Variants in TENT2 observed in about 807,000 individuals in gnomAD.
TENT2 encodes the protein terminal nucleotidyltransferase 2.
TENT2 carries 44 observed loss-of-function variants against 72.2 expected under a neutral mutation model. That is an observed-to-expected ratio of 0.61 (90% confidence interval 0.48 to 0.78). The LOEUF (loss-of-function observed/expected upper bound fraction) is 0.78. Ranked by LOEUF, TENT2 falls within the 30% of genes least tolerant of loss-of-function variation. The pLI, the probability that TENT2 is intolerant of heterozygous loss-of-function variation, is 0.00. For missense variants in TENT2, 541 were observed against 569.6 expected, an observed-to-expected ratio of 0.95 and a Z score of 0.51; for synonymous variants, 212 against 192.5, an observed-to-expected ratio of 1.10 and a Z score of -0.84.
Position 79,623,501 on chromosome 5 carries a change from G to C in TENT2, c.465+12G>C, listed in dbSNP as rs565701692. The C allele has an allele frequency of 6.5e-7, 1 of 1,526,754 alleles. No homozygotes were observed. The highest frequency in any genetic ancestry group is 2.3e-5 in the East Asian group (1 of 43,754). 94.6% of individuals were successfully genotyped at this position (1,526,754 alleles called of 1,614,324 possible). A position where few individuals can be genotyped will look rare whatever the true frequency, so the allele number is the denominator to read the frequency against. On this transcript the variant is annotated intron_variant, in intron 4 of 14. Coordinates refer to ENST00000453514, the MANE Select transcript of TENT2 (RefSeq NM_001114394.3). ...AGGCCAAAGATAAGGTAATAATAAT[G>C]TAGATTTTAGTTTTGCCTTTTGGGA...
chr5:79,679,049 G>A (rs2150907176), intron 12 of TENT2, among the ~76,000 whole-genome samples: 1 of 152,264 alleles, frequency 6.6e-6, no homozygotes, highest in African/African-American at 2.4e-5. Context: ...GGGACTACAG[G>A]TGCACGCTAC....
Position 79,641,437 on chromosome 5 carries a change from G to GT in TENT2, c.672+254dup, listed in dbSNP as rs201464334. Among the ~76,000 whole-genome samples the GT allele has an allele frequency of 1.7e-3, 232 of 135,422 alleles. 2 individuals carry two copies. The highest frequency in any genetic ancestry group is 8.6e-3 in the East Asian group (40 of 4,646). The allele number at this position is 135,422 out of a possible 152,430, so 88.8% of individuals were successfully genotyped here. On this transcript the variant is annotated intron_variant, in intron 6 of 14. Coordinates refer to ENST00000453514, the MANE Select transcript of TENT2 (RefSeq NM_001114394.3). ...TTAAAGTGAGATGGCTTCACTATGT[G>GT]TTTTTTTTTTTTTCAAGAGCTCTAC...
chr5:79,644,613 C>T (rs1485273771), intron 7 of TENT2: 1 of 152,082 alleles, frequency 6.6e-6, no homozygotes, highest in East Asian at 1.9e-4. Flanking sequence ...TATAATAGCA[C>T]AATAATTGGT....
At chr5:79,684,829 T>C (rs558125668) in intron 14 of TENT2, among the ~76,000 whole-genome samples, 19 of 152,286 alleles carry the variant, frequency 1.2e-4, no homozygotes, top group Non-Finnish European at 2.2e-4. Context: ...ATACTTACAC[T>C]GTGTTAAAAA....
intron 8 of TENT2, among the ~76,000 whole-genome samples, chr5:79,646,647 A>ATCT (rs1491547056): frequency 6.6e-6 from 1 of 152,228 alleles, no homozygotes; most frequent in Non-Finnish European, 1.5e-5. Context: ...GAGATAAAAC[A>ATCT]TAAAGTTATA....
At chr5:79,635,268 G>A (rs1320184164) in intron 4 of TENT2, among the ~76,000 whole-genome samples, 1 of 152,060 alleles carries the variant, frequency 6.6e-6, no homozygotes, top group Admixed American at 6.6e-5. Context: ...AACTCTCAAT[G>A]TTTGTTCTAG....
At chr5:79,622,966 C>T (rs1766326286) in intron 3 of TENT2, among the ~76,000 whole-genome samples, 1 of 152,072 alleles carries the variant, frequency 6.6e-6, no homozygotes, top group South Asian at 2.1e-4. Context: ...ACAAAGTTTT[C>T]ACTACTGAGA....
rs1006793859 is a variant in TENT2 at position 79,686,914 on chromosome 5, T to C, written c.*1641T>C. On this transcript the variant is annotated 3_prime_UTR_variant, in exon 15 of 15. Transcript: ENST00000453514. ...TGTGCATCTCTTAATCAGAATGTAC[T>C]GAGTAGAGTTAATATTCTAGTGATG... Among the ~76,000 whole-genome samples, 1 of 152,208 alleles carries C rather than the reference T, an allele frequency of 6.6e-6. No homozygotes were observed. Among genetic ancestry groups the C allele is most frequent in the Admixed American group, 6.5e-5 (1 of 15,282 alleles).
rs190685520 is a variant in TENT2, at chr5:79,672,307, A to T, written c.1208+3279A>T. On this transcript the variant is annotated intron_variant, in intron 12 of 14. Coordinates refer to ENST00000453514, the MANE Select transcript of TENT2 (RefSeq NM_001114394.3). Reference sequence around the variant, plus strand: ...ATCACCTCAAGCATTTATCGTTTGCATTACAAACAATCCAGTTATCCTGTT... The same window carrying T: ...ATCACCTCAAGCATTTATCGTTTGCTTTACAAACAATCCAGTTATCCTGTT... 2.1e-4 allele frequency among the ~76,000 whole-genome samples: 32 copies of T among 152,328 alleles called. 1 individual carries two copies. The East Asian group carries it at 6.0e-3, about 28-fold the overall frequency.
chr5:79,640,679 C>G (rs1321288022), intron 4 of TENT2, among the ~76,000 whole-genome samples, 172 bp from the exon 5 acceptor site: 1 of 152,092 alleles, frequency 6.6e-6, no homozygotes, highest in Non-Finnish European at 1.5e-5. Flanking sequence ...GTTTTTCAGA[C>G]CATTCTCTTC....
At chr5:79,659,106 G>A (rs973144073) in intron 11 of TENT2, among the ~76,000 whole-genome samples, 1 of 151,878 alleles carries the variant, frequency 6.6e-6, no homozygotes, top group Non-Finnish European at 1.5e-5. Context: ...TAAGATTTTT[G>A]TTTACATGGA....
At chr5:79,615,713 T>C (rs1382566939) in intron 1 of TENT2, among the ~76,000 whole-genome samples, 1 of 149,204 alleles carries the variant, frequency 6.7e-6, no homozygotes. Flanking sequence ...TTTTTTCTTT[T>C]TTTTTTTTGT....
At chr5:79,662,391 C>T (rs778649226) in intron 11 of TENT2, among the ~76,000 whole-genome samples, 2 of 152,122 alleles carry the variant, frequency 1.3e-5, no homozygotes, top group Non-Finnish European at 2.9e-5. Context: ...AATGATGACT[C>T]CTTTCCAGAA....
At chr5:79,650,456 A>G (rs1300763623) in intron 10 of TENT2, among the ~76,000 whole-genome samples, 3 of 152,138 alleles carry the variant, frequency 2.0e-5, no homozygotes, top group African/African-American at 4.8e-5. Context: ...CTGCTGATAG[A>G]GCACTATCAA....
chr5:79,657,973 G>A (rs1799140701), intron 11 of TENT2, among the ~76,000 whole-genome samples: 1 of 152,130 alleles, frequency 6.6e-6, no homozygotes, highest in Non-Finnish European at 1.5e-5. Context: ...TGGAACATCA[G>A]TTAAATATAG....
chr5:79,674,452 T>G (rs1158758670), intron 12 of TENT2, among the ~76,000 whole-genome samples: 5 of 152,156 alleles, frequency 3.3e-5, no homozygotes, highest in Non-Finnish European at 5.9e-5. Context: ...TTTAAAGAGA[T>G]AGAACAGTCA....
At chr5:79,662,939 C>G (rs544267396) in intron 11 of TENT2, among the ~76,000 whole-genome samples, 13 of 152,216 alleles carry the variant, frequency 8.5e-5, no homozygotes, top group Non-Finnish European at 1.9e-4. Flanking sequence ...ACTGAAAAAT[C>G]TGCTATTTAG....
intron 4 of TENT2, among the ~76,000 whole-genome samples, chr5:79,625,717 C>G (rs1769029680): frequency 1.3e-5 from 2 of 151,670 alleles, no homozygotes; most frequent in Non-Finnish European, 2.9e-5. Flanking sequence ...CTTTTCTCCT[C>G]TGTAATTTTT....
At chr5:79,616,086 C>T (rs1236938189) in intron 1 of TENT2, among the ~76,000 whole-genome samples, 2 of 151,486 alleles carry the variant, frequency 1.3e-5, no homozygotes, top group Non-Finnish European at 2.9e-5. Flanking sequence ...GGGATTTTGC[C>T]GTGTTGGCCA....
Sources: gnomAD v4.1 joint callset for allele counts (sites outside exome capture counted in the v4.1 genomes callset) on GRCh38, gnomAD v4.1.1 for gene constraint, MANE v1.5 for transcripts, NCBI Gene and HGNC (gene_info 2026-07-23, HGNC 2026-07-21) for gene names.